The following EYS variants were observed in gnomAD, a reference collection of about 807,000 sequenced individuals.
EYS encodes the protein EGF-like photoreceptor maintenance factor.
Under a neutral mutation model 282.1 loss-of-function variants are expected in EYS, and 250 were observed. That is an observed-to-expected ratio of 0.89 (90% CI 0.80 to 0.98). The LOEUF is 0.98. Ranked by LOEUF, EYS falls within the 50% of genes least tolerant of loss-of-function variation. The pLI, the probability that EYS is intolerant of heterozygous loss-of-function variation, is 0.00. For missense variants in EYS, 4,016 were observed against 3,709.0 expected (o/e 1.08, Z -2.15); for synonymous variants, 1,355 against 1,282.9 (o/e 1.06, Z -1.20).
At chr6:65,553,259 CA>C (rs1768666344) in intron 2 of EYS, among the ~76,000 whole-genome samples, 1 of 152,122 alleles carries the variant, frequency 6.6e-6, no homozygotes, top group African/African-American at 2.4e-5. Flanking sequence ...ATTCAGTAAT[CA>C]GAAACAGTTT....
chr6:63,902,184 G>A (rs1373338532), intron 35 of EYS, among the ~76,000 whole-genome samples: 7 of 152,018 alleles, frequency 4.6e-5, no homozygotes, highest in African/African-American at 7.3e-5. Context: ...ATGAGGCACC[G>A]TGCCTAGCCC....
rs192478900 is a variant in EYS, at chr6:65,395,094, G to T, written c.1184+7384C>A. 3.4e-3 allele frequency among the ~76,000 whole-genome samples: 520 copies of T among 152,258 alleles called. 4 individuals carry two copies. Among genetic ancestry groups the T allele is most frequent in the African/African-American group, 0.011 (458 of 41,558 alleles). On this transcript the variant is annotated intron_variant, in intron 7 of 42. Coordinates refer to ENST00000503581, the MANE Select transcript of EYS (RefSeq NM_001142800.2). ...TCTGTCTGTTTTGAGACAGAGTTTC[G>T]CTCTTGTGGCCCAGGCCGGAGTGCA...
Position 65,187,992 on chromosome 6 carries a change from C to T in EYS, c.2023+107871G>A, listed in dbSNP as rs118157235. ...TTAAGACATTAGAGTAGCATTCCTTCGTAACTGATGACTTTTACATTAAAC... is the reference window on the plus strand; with the variant it reads ...TTAAGACATTAGAGTAGCATTCCTTTGTAACTGATGACTTTTACATTAAAC... On this transcript the variant is annotated intron_variant, in intron 12 of 42. Transcript: ENST00000503581. Among the ~76,000 whole-genome samples, 22 of 151,644 alleles carry T rather than the reference C, an allele frequency of 1.5e-4. No individual in the cohort carries two copies. In the East Asian group the frequency reaches 3.3e-3, roughly 23 times the overall value.
At chr6:65,330,828 C>T (rs1224005514) in intron 11 of EYS, 1 of 941,402 alleles carries the variant, frequency 1.1e-6, no homozygotes, top group Non-Finnish European at 1.3e-6. Context: ...GATCCCTATA[C>T]ACATTTAGAG....
At chr6:64,844,720 C>T (rs896879967) in intron 19 of EYS, among the ~76,000 whole-genome samples, 7 of 152,032 alleles carry the variant, frequency 4.6e-5, no homozygotes, top group Non-Finnish European at 8.8e-5. Flanking sequence ...GAGTAGAGTT[C>T]CTGTTCCAAC....
intron 27 of EYS, among the ~76,000 whole-genome samples, chr6:64,437,465 C>T (rs1022622372): frequency 6.6e-6 from 1 of 151,642 alleles, no homozygotes; most frequent in Non-Finnish European, 1.5e-5. Flanking sequence ...CAATCTCCAT[C>T]TTAAGAAAAT....
rs187017627 is a variant in EYS at position 65,355,736 on chromosome 6, A to G, written c.1300-2119T>C. 3.3e-5 allele frequency among the ~76,000 whole-genome samples: 5 copies of G among 152,240 alleles called. No homozygotes were observed. The East Asian group carries it at 9.7e-4, about 29-fold the overall frequency. On this transcript the variant is annotated intron_variant, in intron 8 of 42. Transcript: ENST00000503581. ...GCCCACATATGGAAAAATGCTCAAC[A>G]TCACCAATCATCAGAGACATGCAAA... is the stretch of plus-strand genomic sequence containing the variant.
chr6:65,084,323 A>G (rs1774306076), intron 12 of EYS, among the ~76,000 whole-genome samples: 2 of 152,108 alleles, frequency 1.3e-5, no homozygotes, highest in Admixed American at 1.3e-4. Flanking sequence ...TTCCCCAAAT[A>G]CGATGAACAG....
chr6:64,430,343 G>T (rs1055962252), intron 28 of EYS, among the ~76,000 whole-genome samples: 2 of 152,132 alleles, frequency 1.3e-5, no homozygotes, highest in African/African-American at 4.8e-5. Flanking sequence ...GGCATTATGC[G>T]CCAGTACGCC....
At chr6:64,170,029 A>G (rs1028738304) in intron 31 of EYS, among the ~76,000 whole-genome samples, 1 of 152,146 alleles carries the variant, frequency 6.6e-6, no homozygotes, top group African/African-American at 2.4e-5. Flanking sequence ...GTTGTCTTTG[A>G]AGTATGGCCA....
intron 26 of EYS, among the ~76,000 whole-genome samples, chr6:64,525,705 A>T (rs902704237): frequency 6.6e-6 from 1 of 151,922 alleles, no homozygotes; most frequent in East Asian, 1.9e-4. Flanking sequence ...AAAATAAAAA[A>T]CAGTGACAAC....
chr6:64,895,885 A>G (rs1005205365), intron 18 of EYS, among the ~76,000 whole-genome samples: 2 of 152,112 alleles, frequency 1.3e-5, no homozygotes, highest in Non-Finnish European at 2.9e-5. Flanking sequence ...AAGGAAATAT[A>G]GGGAAAAAAT....
chr6:65,696,062 G>T lies in EYS; in HGVS notation c.-448+11073C>A, dbSNP rs183966476. 2.0e-3 allele frequency among the ~76,000 whole-genome samples: 305 copies of T among 151,918 alleles called. 2 individuals carry two copies. Among genetic ancestry groups the T allele is most frequent in the African/African-American group, 7.3e-3 (303 of 41,504 alleles). On this transcript the variant is annotated intron_variant, in intron 1 of 42. Coordinates refer to ENST00000503581, the MANE Select transcript of EYS (RefSeq NM_001142800.2). ...GAATATATAAAAGGTAATATAATAG[G>T]TCTCTTTCCTACTCAGCAATCCTAT...
chr6:64,389,094 T>C (rs1561965497), intron 28 of EYS, among the ~76,000 whole-genome samples: 1 of 152,168 alleles, frequency 6.6e-6, no homozygotes, highest in Non-Finnish European at 1.5e-5. Flanking sequence ...GATAAACAGA[T>C]CTTTCTCAAT....
chr6:64,396,053 C>A (rs1288022584), intron 28 of EYS, among the ~76,000 whole-genome samples: 1 of 152,066 alleles, frequency 6.6e-6, no homozygotes, highest in African/African-American at 2.4e-5. Flanking sequence ...ACAACATACA[C>A]AAGCATGCAC....
intron 1 of EYS, among the ~76,000 whole-genome samples, chr6:65,683,111 CCTT>C (rs1430257700): frequency 6.6e-6 from 1 of 151,934 alleles, no homozygotes; most frequent in Non-Finnish European, 1.5e-5. Context: ...AATTCCCAAA[CCTT>C]CTTTACCCAT....
intron 42 of EYS, among the ~76,000 whole-genome samples, chr6:63,725,019 A>AT (rs1186880154): frequency 6.6e-6 from 1 of 152,174 alleles, no homozygotes; most frequent in Non-Finnish European, 1.5e-5. Flanking sequence ...TAAACTTGTT[A>AT]TATCACTTGA....
intron 14 of EYS, among the ~76,000 whole-genome samples, chr6:64,989,523 A>T (rs1336542863): frequency 1.5e-5 from 2 of 136,824 alleles, no homozygotes; most frequent in African/African-American, 5.5e-5. Flanking sequence ...ACATAAAATT[A>T]TAATATATAT....
intron 22 of EYS, among the ~76,000 whole-genome samples, chr6:64,653,803 G>A (rs183319407): frequency 1.3e-5 from 2 of 148,598 alleles, no homozygotes; most frequent in East Asian, 4.0e-4. Context: ...AGGCTTAAGT[G>A]ATCATCCCGC....
Sources: gnomAD v4.1 joint callset for allele counts (sites outside exome capture counted in the v4.1 genomes callset) on GRCh38, gnomAD v4.1.1 for gene constraint, MANE v1.5 for transcripts, NCBI Gene and HGNC (gene_info 2026-07-23, HGNC 2026-07-21) for gene names.